The following SCD5 variants were observed in gnomAD, a reference collection of about 807,000 sequenced individuals.
SCD5 encodes stearoyl-CoA desaturase 5.
SCD5 carries 20 observed loss-of-function variants against 30.4 expected under a neutral mutation model. That is an observed-to-expected ratio of 0.66 (90% CI 0.46 to 0.96). The LOEUF (loss-of-function observed/expected upper bound fraction) is 0.96, where lower values mean the gene tolerates loss of function less well. SCD5 is among the 40% of genes least tolerant of loss of function. The probability of loss-of-function intolerance (pLI) is 0.00; values close to 1 mark genes in which losing one functional copy is unlikely to be tolerated. For synonymous variants in SCD5, 173 were observed against 176.4 expected (o/e 0.98, Z 0.16); for missense variants, 381 against 443.3 (o/e 0.86, Z 1.26).
chr4:82,786,510 C>T (rs962696588), intron 1 of SCD5, among the ~76,000 whole-genome samples: 6 of 152,138 alleles, frequency 3.9e-5, no homozygotes, highest in Non-Finnish European at 8.8e-5. Context: ...ATTTAAGAGG[C>T]AATCTTCGGC....
intron 3 of SCD5, among the ~76,000 whole-genome samples, chr4:82,661,425 C>T (rs529758122): frequency 6.6e-6 from 1 of 152,326 alleles, no homozygotes; most frequent in Non-Finnish European, 1.5e-5. Context: ...TAATACATTG[C>T]TGTCAGCAGT....
chr4:82,756,982 T>G (rs1472489718), intron 1 of SCD5, among the ~76,000 whole-genome samples: 2 of 152,110 alleles, frequency 1.3e-5, no homozygotes, highest in African/African-American at 4.8e-5. Flanking sequence ...CCTCCCACCT[T>G]GACCTCTCAA....
At chr4:82,637,525 A>G (rs4693473) in intron 3 of SCD5, among the ~76,000 whole-genome samples, 137,290 of 152,296 alleles carry the variant, frequency 0.9, 62,021 homozygotes, top group East Asian at 0.99. Flanking sequence ...AAGTGCTGGC[A>G]ATACAAAGAC....
rs1727257462 is a variant in SCD5 at position 82,630,259 on chromosome 4, GCA to G, written c.*1066_*1067del. 1 of 152,116 alleles carries G rather than the reference GCA, an allele frequency of 6.6e-6. No individual in the cohort carries two copies. The highest frequency in any genetic ancestry group is 6.6e-5 in the Admixed American group (1 of 15,264). The allele number at this position is 152,116 out of a possible 1,614,324, so 9.4% of individuals were successfully genotyped here. A position where few individuals can be genotyped will look rare whatever the true frequency, so the allele number is the denominator to read the frequency against. ...TCTCTCTTGAAACAAAGACAGTAGA[GCA>G]TTAACAAGCTGTAAACACAGCAAAA... On this transcript the variant is annotated 3_prime_UTR_variant, in exon 5 of 5. Coordinates refer to ENST00000319540, the MANE Select transcript of SCD5 (RefSeq NM_001037582.3).
chr4:82,656,308 G>T (rs1407577200), intron 3 of SCD5, among the ~76,000 whole-genome samples: 6 of 152,080 alleles, frequency 3.9e-5, no homozygotes, highest in African/African-American at 1.2e-4. Flanking sequence ...CTGTGTCCAT[G>T]TGGTTTCATT....
chr4:82,747,037 G>T (rs1034620886), intron 1 of SCD5, among the ~76,000 whole-genome samples: 49 of 91,254 alleles, frequency 5.4e-4, no homozygotes, highest in African/African-American at 2.8e-3. Flanking sequence ...GAGTTCGGTT[G>T]GGGGGCAGTT....
intron 1 of SCD5, among the ~76,000 whole-genome samples, chr4:82,779,802 G>T (rs1721830513): frequency 6.6e-6 from 1 of 152,194 alleles, no homozygotes; most frequent in African/African-American, 2.4e-5. Context: ...GTGCTTCAAG[G>T]TTCACAATTT....
chr4:82,636,568 T>A (rs1403506592), intron 4 of SCD5, 23 bp downstream of exon 4: 1 of 1,590,968 alleles, frequency 6.3e-7, no homozygotes, highest in East Asian at 2.2e-5. Flanking sequence ...TTCTCCCCAT[T>A]GGCCCTCAAC....
intron 1 of SCD5, among the ~76,000 whole-genome samples, chr4:82,709,442 T>C (rs1472907623): frequency 6.6e-6 from 1 of 152,220 alleles, no homozygotes; most frequent in Non-Finnish European, 1.5e-5. Context: ...GTATGGAAAG[T>C]GCTACAGAGC....
intron 2 of SCD5, among the ~76,000 whole-genome samples, chr4:82,704,937 C>T (rs571834666): frequency 6.8e-4 from 104 of 152,222 alleles, no homozygotes; most frequent in Non-Finnish European, 1.2e-3. Context: ...CTATGCGGAT[C>T]AAATACTATA....
At chr4:82,661,007 G>T in intron 3 of SCD5, 1 of 1,614,054 alleles carries the variant, frequency 6.2e-7, no homozygotes. Flanking sequence ...TGCCCTTGAT[G>T]CCATTCACGA....
intron 3 of SCD5, among the ~76,000 whole-genome samples, chr4:82,661,926 G>A (rs1169818110): frequency 6.6e-6 from 1 of 152,180 alleles, no homozygotes; most frequent in Non-Finnish European, 1.5e-5. Context: ...ACTGAGAGGT[G>A]GCAGGGTTCT....
chr4:82,657,835 C>G (rs762794646), intron 3 of SCD5, among the ~76,000 whole-genome samples: 15 of 152,098 alleles, frequency 9.9e-5, no homozygotes, highest in African/African-American at 3.4e-4. Context: ...AGTTGTATTC[C>G]TAGGTATTTC....
At chr4:82,655,460 C>T (rs887221077) in intron 3 of SCD5, among the ~76,000 whole-genome samples, 6 of 152,306 alleles carry the variant, frequency 3.9e-5, no homozygotes, top group Non-Finnish European at 8.8e-5. Context: ...ATTTTATGAA[C>T]AGCAGTAACA....
In SCD5 at chr4:82,798,352, G is replaced by A; in HGVS notation, c.186C>T (p.Tyr62=). The change falls in exon 1 of 5, where the codon TAC becomes TAT. Residue 62 remains tyrosine, a synonymous_variant. Coordinates refer to ENST00000319540, the MANE Select transcript of SCD5 (RefSeq NM_001037582.3). ...LMSLLHLGAV[Y]SLVLIPKAKP... ...TGGCTTTGGGGATGAGCACCAGGGAGTACACGGCCCCCAAGTGGAGCAAGC... is the reference window on the plus strand; with the variant it reads ...TGGCTTTGGGGATGAGCACCAGGGAATACACGGCCCCCAAGTGGAGCAAGC... 6.2e-7 allele frequency: 1 copy of A among 1,613,250 alleles called. No individual in the cohort carries two copies. Among genetic ancestry groups the A allele is most frequent in the South Asian group, 1.1e-5 (1 of 91,038 alleles).
chr4:82,673,633 T>C (rs1728374094), intron 3 of SCD5, among the ~76,000 whole-genome samples: 2 of 152,154 alleles, frequency 1.3e-5, no homozygotes, highest in Admixed American at 1.3e-4. Context: ...GCAAGTTATT[T>C]TGTAGATATT....
intron 1 of SCD5, among the ~76,000 whole-genome samples, chr4:82,757,002 A>T (rs577207056): frequency 6.6e-6 from 1 of 152,094 alleles, no homozygotes; most frequent in Non-Finnish European, 1.5e-5. Context: ...AAGTGCTGGG[A>T]TTATAGGCGT....
intron 1 of SCD5, among the ~76,000 whole-genome samples, chr4:82,786,197 C>T (rs556976629): frequency 6.6e-6 from 1 of 152,218 alleles, no homozygotes; most frequent in African/African-American, 2.4e-5. Flanking sequence ...TCTTTGTTTT[C>T]TTACACAACG....
intron 2 of SCD5, among the ~76,000 whole-genome samples, chr4:82,688,602 C>G (rs1007119758): frequency 2.0e-5 from 3 of 152,150 alleles, no homozygotes; most frequent in Admixed American, 2.0e-4. Flanking sequence ...AGAAAGTCCC[C>G]AAGAGTGGCC....
Sources: gnomAD v4.1 joint callset for allele counts (sites outside exome capture counted in the v4.1 genomes callset) on GRCh38, gnomAD v4.1.1 for gene constraint, MANE v1.5 for transcripts, NCBI Gene and HGNC (gene_info 2026-07-23, HGNC 2026-07-21) for gene names.